The following GULP1 variants were observed in gnomAD, a reference collection of about 807,000 sequenced individuals.
GULP1 encodes the protein PTB domain-containing engulfment adapter protein 1.
Under a neutral mutation model 40.9 loss-of-function variants are expected in GULP1, and 19 were observed. The ratio of observed to expected loss-of-function variants is 0.46; its 90% CI spans 0.32 to 0.68. GULP1 has a LOEUF of 0.68. Ranked by LOEUF, GULP1 falls within the 30% of genes least tolerant of loss-of-function variation. The pLI is 0.03. For missense variants in GULP1, 312 were observed against 362.2 expected (o/e 0.86, Z 1.12); for synonymous variants, 119 against 117.6 (o/e 1.01, Z -0.08).
chr2:188,432,545 T>C (rs2056985775), intron 2 of GULP1, among the ~76,000 whole-genome samples: 1 of 152,038 alleles, frequency 6.6e-6, no homozygotes, highest in South Asian at 2.1e-4. Context: ...TTATCAAAAA[T>C]TACACAAATA....
intron 2 of GULP1, among the ~76,000 whole-genome samples, chr2:188,463,688 A>AT (rs1342328828): frequency 7.4e-5 from 11 of 148,162 alleles, no homozygotes; most frequent in African/African-American, 7.5e-5. Context: ...CATTGTTTTT[A>AT]TTTTTTTTTC....
intron 7 of GULP1, among the ~76,000 whole-genome samples, chr2:188,548,837 T>TGTTTC (rs1242236833): frequency 1.3e-5 from 2 of 149,366 alleles, no homozygotes; most frequent in African/African-American, 2.5e-5. Flanking sequence ...GGTTTTGTTT[T>TGTTTC]GTTTTGTTTT....
chr2:188,345,886 T>G (rs2043581898), intron 1 of GULP1, among the ~76,000 whole-genome samples: 1 of 152,216 alleles, frequency 6.6e-6, no homozygotes, highest in African/African-American at 2.4e-5. Flanking sequence ...CCCCTAATAT[T>G]TCTTGCATAT....
At chr2:188,516,635 A>G (rs1325032131) in intron 4 of GULP1, among the ~76,000 whole-genome samples, 1 of 152,134 alleles carries the variant, frequency 6.6e-6, no homozygotes, top group East Asian at 1.9e-4. Context: ...TCTCACCTTT[A>G]GGCATGCATC....
At chr2:188,415,065 A>G (rs1382192744) in intron 2 of GULP1, among the ~76,000 whole-genome samples, 1 of 152,192 alleles carries the variant, frequency 6.6e-6, no homozygotes, top group Non-Finnish European at 1.5e-5. Flanking sequence ...AGCAGTATTT[A>G]AGAACTTAAG....
chr2:188,548,726 G>A (rs1692620857), intron 7 of GULP1, among the ~76,000 whole-genome samples: 1 of 151,966 alleles, frequency 6.6e-6, no homozygotes, highest in African/African-American at 2.4e-5. Flanking sequence ...TGGAGGGAAA[G>A]ACAATAGGTC....
chr2:188,312,662 G>A (rs565091318), intron 1 of GULP1, among the ~76,000 whole-genome samples: 186 of 152,146 alleles, frequency 1.2e-3, no homozygotes, highest in Middle Eastern at 3.4e-3. Context: ...GTAAATACCC[G>A]GTAATGGGAT....
At chr2:188,476,641 A>C (rs1299426146) in intron 2 of GULP1, among the ~76,000 whole-genome samples, 1 of 152,172 alleles carries the variant, frequency 6.6e-6, no homozygotes, top group Non-Finnish European at 1.5e-5. Flanking sequence ...TTACCCTGTA[A>C]TATACCTGTA....
Position 188,490,293 on chromosome 2 carries a change from C to T in GULP1, c.90+6801C>T, listed in dbSNP as rs748546528. On this transcript the variant is annotated intron_variant, in intron 4 of 11. Coordinates refer to ENST00000409830, the MANE Select transcript of GULP1 (RefSeq NM_016315.4). ...AAAATTAGGTGTTGAATGAAGTATC[C>T]GATCCTGTTCAACATCCGTTTGTCT... Among the ~76,000 whole-genome samples, 11 of 152,094 alleles carry T rather than the reference C, an allele frequency of 7.2e-5. No homozygotes were observed. The South Asian group carries it at 1.0e-3, about 14-fold the overall frequency.
In GULP1 at chr2:188,309,156, C is replaced by T. The variant is rs533846987; in HGVS notation, c.-172+16990C>T. On this transcript the variant is annotated intron_variant, in intron 1 of 11. Coordinates refer to ENST00000409830, the MANE Select transcript of GULP1 (RefSeq NM_016315.4). ...CTGTCTTTTGGGAGATGTAACATCA[C>T]GAATGATCTCTGTCTTAAGAAGGAA... Among the ~76,000 whole-genome samples the T allele has an allele frequency of 5.9e-5, 9 of 152,194 alleles. No individual in the cohort carries two copies. The South Asian group carries it at 1.0e-3, about 18-fold the overall frequency.
chr2:188,498,332 T>G (rs2063101010), intron 4 of GULP1, among the ~76,000 whole-genome samples: 1 of 151,930 alleles, frequency 6.6e-6, no homozygotes, highest in Non-Finnish European at 1.5e-5. Context: ...AATGAGGTAC[T>G]GGGTCAGAGA....
intron 4 of GULP1, among the ~76,000 whole-genome samples, chr2:188,485,319 T>C (rs1301251170): frequency 6.6e-6 from 1 of 151,980 alleles, no homozygotes; most frequent in East Asian, 1.9e-4. Context: ...CTACAGGAAG[T>C]AGAGGGTGCA....
At chr2:188,593,065 C>T (rs1559416573) in intron 11 of GULP1, 3 of 151,974 alleles carry the variant, frequency 2.0e-5, no homozygotes, top group Non-Finnish European at 4.4e-5. Flanking sequence ...TACAAGGAGA[C>T]CTACAATGTA....
chr2:188,353,068 C>G (rs1354356388), intron 1 of GULP1, among the ~76,000 whole-genome samples: 2 of 152,064 alleles, frequency 1.3e-5, no homozygotes, highest in East Asian at 3.9e-4. Context: ...CTGGAAAATT[C>G]ATGGGATAAT....
At chr2:188,318,523 A>T (rs771554997) in intron 1 of GULP1, among the ~76,000 whole-genome samples, 1 of 152,144 alleles carries the variant, frequency 6.6e-6, no homozygotes, top group African/African-American at 2.4e-5. Flanking sequence ...TCAACAACGG[A>T]GACAGGGCTG....
intron 4 of GULP1, among the ~76,000 whole-genome samples, chr2:188,517,022 C>A (rs974272576): frequency 1.3e-5 from 2 of 152,120 alleles, no homozygotes; most frequent in African/African-American, 4.8e-5. Context: ...GCATATAATT[C>A]ACTTATTCTT....
At chr2:188,349,698 T>G (rs2152280071) in intron 1 of GULP1, among the ~76,000 whole-genome samples, 1 of 152,330 alleles carries the variant, frequency 6.6e-6, no homozygotes, top group South Asian at 2.1e-4. Context: ...AACAAAACTT[T>G]TATATTTTGA....
chr2:188,498,680 T>C (rs1280007133), intron 4 of GULP1, among the ~76,000 whole-genome samples: 1 of 151,814 alleles, frequency 6.6e-6, no homozygotes, highest in South Asian at 2.1e-4. Context: ...AGGATGACTA[T>C]AAATAAAAAT....
chr2:188,589,769 T>A, intron 11 of GULP1: 1 of 1,294,148 alleles, frequency 7.7e-7, no homozygotes, highest in Non-Finnish European at 1.0e-6. Flanking sequence ...ATTATTTTTA[T>A]AATAATTTTA....
Sources: allele counts gnomAD v4.1 joint callset (sites outside exome capture counted in the v4.1 genomes callset), GRCh38; gene constraint gnomAD v4.1.1; transcripts MANE v1.5; gene names NCBI Gene and HGNC (gene_info 2026-07-23, HGNC 2026-07-21).